The following PLEKHA6 variants were observed in gnomAD, a reference collection of about 807,000 sequenced individuals.
The protein encoded by PLEKHA6 is pleckstrin homology domain-containing family A member 6.
Under a neutral mutation model 116.7 loss-of-function variants are expected in PLEKHA6, and 60 were observed. The ratio of observed to expected loss-of-function variants is 0.51; its 90% CI spans 0.42 to 0.64. The LOEUF is 0.64. PLEKHA6 is among the 30% of genes least tolerant of loss of function. The pLI is 0.00. For synonymous variants in PLEKHA6, 489 were observed against 556.1 expected, an observed-to-expected ratio of 0.88 and a Z score of 1.70; for missense variants, 1,338 against 1,422.7, an observed-to-expected ratio of 0.94 and a Z score of 0.96.
In PLEKHA6 at chr1:204,223,449, GA is replaced by G; in HGVS notation, c.*8+12del. 7.1e-7 allele frequency: 1 copy of G among 1,409,820 alleles called. No homozygotes were observed. Among genetic ancestry groups the G allele is most frequent in the Non-Finnish European group, 9.8e-7 (1 of 1,017,242 alleles). 87.3% of individuals were successfully genotyped at this position (1,409,820 alleles called of 1,614,324 possible). On this transcript the variant is annotated intron_variant, in intron 22 of 22. Coordinates refer to ENST00000272203, the MANE Select transcript of PLEKHA6 (RefSeq NM_014935.5). This position sits in a 1 kb window ranked among gnomAD's most constrained non-coding sequence, Gnocchi z 4.8. ...CTCCCGAGGTGGATGAAATACAGTA[GA>G]AAAGTGCTTACGTCAGAGCTCAGAC... is the stretch of plus-strand genomic sequence containing the variant.
rs990657683 is a variant in PLEKHA6 at position 204,228,478 on chromosome 1, G to C, written c.2885+250C>G. ...TTTAGGGCAGCCTTGAAGGGGAAAA[G>C]AAGTCACCAGAGGGCGAGCCTTCAG... is the stretch of plus-strand genomic sequence containing the variant. On this transcript the variant is annotated intron_variant, in intron 20 of 22. Coordinates refer to ENST00000272203, the MANE Select transcript of PLEKHA6 (RefSeq NM_014935.5). The surrounding 1 kb of genome is among the most constrained non-coding windows in gnomAD (Gnocchi z 4.0). Among the ~76,000 whole-genome samples, 5 of 152,114 alleles carry C rather than the reference G, an allele frequency of 3.3e-5. No homozygotes were observed. Among genetic ancestry groups the C allele is most frequent in the African/African-American group, 1.2e-4 (5 of 41,416 alleles).
Position 204,261,154 on chromosome 1 carries a change from A to T in PLEKHA6, c.524+152T>A. ...CTTCAGGCTCTGAAATCACTCAGCC[A>T]GGCCTCCCGCCTGGATGCAAGGAGA... On this transcript the variant is annotated intron_variant, in intron 7 of 22. Transcript: ENST00000272203. This position sits in a 1 kb window ranked among gnomAD's most constrained non-coding sequence, Gnocchi z 4.0. The T allele has an allele frequency of 1.2e-6, 1 of 861,870 alleles. No individual in the cohort carries two copies. The highest frequency in any genetic ancestry group is 1.6e-5 in the South Asian group (1 of 63,176). The allele number at this position is 861,870 out of a possible 1,614,324, so 53.4% of individuals were successfully genotyped here.
At position 204,274,769 on chromosome 1, in the gene PLEKHA6, C is replaced by T; in HGVS notation, c.-54G>A. 1 of 985,874 alleles carries T rather than the reference C, an allele frequency of 1.0e-6. No individual in the cohort carries two copies. Among genetic ancestry groups the T allele is most frequent in the Non-Finnish European group, 1.2e-6 (1 of 829,958 alleles). The allele number at this position is 985,874 out of a possible 1,614,324, so 61.1% of individuals were successfully genotyped here. A position where few individuals can be genotyped will look rare whatever the true frequency, so the allele number is the denominator to read the frequency against. On this transcript the variant is annotated 5_prime_UTR_variant, in exon 2 of 23. Coordinates refer to ENST00000272203, the MANE Select transcript of PLEKHA6 (RefSeq NM_014935.5). ...TTTTTGTTTTCCTCTGGGACCTGGC[C>T]AGTCACTGGGTGTAGAAATGTGTTC... is the stretch of plus-strand genomic sequence containing the variant.
chr1:204,312,315 A>T (rs57822316), intron 1 of PLEKHA6, among the ~76,000 whole-genome samples: 2,252 of 152,354 alleles, frequency 0.015, 66 homozygotes, highest in African/African-American at 0.052. Flanking sequence ...GGCACACAGC[A>T]ATCCTACTGT....
Position 204,308,687 on chromosome 1 carries a change from C to CTTTTTTTTTTTTTTTT in PLEKHA6, c.-94-33894_-94-33879dup, listed in dbSNP as rs60251937. ...CAAGAAGGTAATTCTTTTTCTTTTTCTTTTTTTTTTTTTTTTTTTTTGAGA... is the reference window on the plus strand; with the variant it reads ...CAAGAAGGTAATTCTTTTTCTTTTTCTTTTTTTTTTTTTTTTTTTTTTTTTTTTTTTTTTTTTGAGA... On this transcript the variant is annotated intron_variant, in intron 1 of 22. Coordinates refer to ENST00000272203, the MANE Select transcript of PLEKHA6 (RefSeq NM_014935.5). Among the ~76,000 whole-genome samples, 16 of 81,404 alleles carry CTTTTTTTTTTTTTTTT rather than the reference C, an allele frequency of 2.0e-4. 1 individual carries two copies. Among genetic ancestry groups the CTTTTTTTTTTTTTTTT allele is most frequent in the East Asian group, 3.1e-4 (1 of 3,230 alleles). The allele number at this position is 81,404 out of a possible 152,430, so 53.4% of individuals were successfully genotyped here.
At chr1:204,248,383 C>T (rs924933313) in intron 12 of PLEKHA6, among the ~76,000 whole-genome samples, 1 of 151,998 alleles carries the variant, frequency 6.6e-6, no homozygotes, top group Non-Finnish European at 1.5e-5. Flanking sequence ...CAAACTCCCA[C>T]CCTCAGGTGA....
intron 9 of PLEKHA6, among the ~76,000 whole-genome samples, chr1:204,253,916 G>C (rs1406528078): frequency 6.6e-6 from 1 of 152,134 alleles, no homozygotes; most frequent in African/African-American, 2.4e-5. Context: ...GAGTCTTCTG[G>C]AAGGCTAGTT....
At chr1:204,355,624 G>A (rs879092526) in intron 1 of PLEKHA6, among the ~76,000 whole-genome samples, 1 of 150,646 alleles carries the variant, frequency 6.6e-6, no homozygotes. Flanking sequence ...ATTTTTAACA[G>A]AGATGGGGTT....
upstream of PLEKHA6, among the ~76,000 whole-genome samples, chr1:204,362,733 G>C (rs1034097202): frequency 6.6e-5 from 10 of 152,284 alleles, no homozygotes; most frequent in East Asian, 1.9e-3. Flanking sequence ...TTGTTTTACA[G>C]ACAGAGTCTT....
chr1:204,248,470 C>T (rs551552859), intron 12 of PLEKHA6, among the ~76,000 whole-genome samples: 55 of 152,250 alleles, frequency 3.6e-4, no homozygotes, highest in African/African-American at 1.2e-3. Context: ...AGCCTTTTTG[C>T]CAGTGCTTTG....
chr1:204,299,044 C>A (rs1367522448), intron 1 of PLEKHA6, among the ~76,000 whole-genome samples: 1 of 152,194 alleles, frequency 6.6e-6, no homozygotes, highest in Non-Finnish European at 1.5e-5. Context: ...TGTGATCCAG[C>A]CATTTCTTTG....
rs370011214 is a variant in PLEKHA6 at position 204,365,201 on chromosome 1, C to T, written c.218+2598G>A. On this transcript the variant is annotated intron_variant, in intron 3 of 4. Coordinates refer to the PLEKHA6 transcript ENST00000564627. ...GGGAGCGAGACTATGATGCCCTTTA[C>T]GTGCCCAGATAGGGAATTTAGATTT... Among the ~76,000 whole-genome samples, 90 of 152,280 alleles carry T rather than the reference C, an allele frequency of 5.9e-4. 1 individual carries two copies. Among genetic ancestry groups the T allele is most frequent in the Middle Eastern group, 6.8e-3 (2 of 294 alleles).
chr1:204,305,589 G>T (rs1671221800), intron 1 of PLEKHA6, among the ~76,000 whole-genome samples: 1 of 152,152 alleles, frequency 6.6e-6, no homozygotes, highest in Admixed American at 6.5e-5. Context: ...GCTAGAATGG[G>T]AGTGTGGGTA....
intron 1 of PLEKHA6, among the ~76,000 whole-genome samples, chr1:204,292,078 A>G (rs1669825172): frequency 6.6e-6 from 1 of 152,232 alleles, no homozygotes; most frequent in South Asian, 2.1e-4. Flanking sequence ...TTACAGGCAG[A>G]GATGAACATG....
In PLEKHA6 at chr1:204,228,933, T is replaced by C. The variant is rs777443720; in HGVS notation, c.2751+4A>G. 1.2e-6 allele frequency: 2 copies of C among 1,614,082 alleles called. No homozygotes were observed. Among genetic ancestry groups the C allele is most frequent in the South Asian group, 1.1e-5 (1 of 91,080 alleles). On this transcript the variant is annotated splice_donor_region_variant and intron_variant, in intron 19 of 22. Coordinates refer to ENST00000272203, the MANE Select transcript of PLEKHA6 (RefSeq NM_014935.5). The surrounding 1 kb of genome is among the most constrained non-coding windows in gnomAD (Gnocchi z 4.0). ...CCACTACAGCCCTTCCTGGCTCCAC[T>C]CACCTCCTTATTGATGTCCACGTCA...
rs1030856220 is a variant in PLEKHA6 at position 204,359,819 on chromosome 1, G to A, written c.-220C>T. The stretch of plus-strand genomic sequence containing the variant: ...CCCCTGGGGCCCCCTTCTGCAGAGC[G>A]GGGCTCCGGATCTAATCTGATCTAA... On this transcript the variant is annotated 5_prime_UTR_variant, in exon 1 of 23. Transcript: ENST00000272203. 9.2e-5 allele frequency: 32 copies of A among 348,170 alleles called. No individual in the cohort carries two copies. The highest frequency in any genetic ancestry group is 1.7e-4 in the East Asian group (1 of 6,032). The allele number at this position is 348,170 out of a possible 1,614,324, so 21.6% of individuals were successfully genotyped here. A position where few individuals can be genotyped will look rare whatever the true frequency, so the allele number is the denominator to read the frequency against.
At chr1:204,245,530 TG>T in intron 14 of PLEKHA6, 84 bp downstream of exon 14, 2 of 788,042 alleles carry the variant, frequency 2.5e-6, no homozygotes, top group South Asian at 1.5e-5. Context: ...CAGTGTGAGC[TG>T]GCAGGAGTGG....
intron 1 of PLEKHA6, among the ~76,000 whole-genome samples, chr1:204,327,433 C>G (rs1672280595): frequency 6.6e-6 from 1 of 152,224 alleles, no homozygotes; most frequent in Non-Finnish European, 1.5e-5. Context: ...GGAACTAGCA[C>G]AGGGCAAGTG....
In PLEKHA6 at chr1:204,248,831, T is replaced by A; in HGVS notation, c.1814A>T (p.Gln605Leu). 6.2e-7 allele frequency: 1 copy of A among 1,613,864 alleles called. No homozygotes were observed. Among genetic ancestry groups the A allele is most frequent in the Non-Finnish European group, 8.5e-7 (1 of 1,179,978 alleles). The stretch of plus-strand genomic sequence containing the variant: ...CGCTCCCTGGGTTACCGTGGTCGCC[T>A]GAGACAGCTCCACGCGGATGTTGAT... ...QLINIRVELS[Q>L]ATTALTNSTI... Residue 605 changes from glutamine (Q) to leucine (L), a missense_variant, in exon 12 of 23, where the codon CAG becomes CTG. Coordinates refer to ENST00000272203, the MANE Select transcript of PLEKHA6 (RefSeq NM_014935.5).
Sources: gnomAD v4.1 joint callset for allele counts (sites outside exome capture counted in the v4.1 genomes callset) on GRCh38, gnomAD v4.1.1 for gene constraint, Gnocchi (gnomAD v3.1) non-coding constraint, MANE v1.5 for transcripts, NCBI Gene and HGNC (gene_info 2026-07-23, HGNC 2026-07-21) for gene names.